Variants in RANBP2 observed in about 807,000 individuals in gnomAD.
RANBP2 encodes the protein RAN binding protein 2, also known as E3 SUMO-protein ligase RanBP2.
In RANBP2, 57 loss-of-function variants were observed where a neutral mutation model predicts 303.6. That is an observed-to-expected ratio of 0.19 (90% CI 0.15 to 0.23). RANBP2 has a LOEUF of 0.23. Among genes scored for constraint, RANBP2 ranks in the 10% least tolerant of loss-of-function variants. RANBP2 has a pLI of 1.00. For synonymous variants in RANBP2, 1,167 were observed against 1,301.5 expected, an observed-to-expected ratio of 0.90 and a Z score of 2.23; for missense variants, 3,138 against 3,780.8, an observed-to-expected ratio of 0.83 and a Z score of 4.46.
chr2:109,540,443 A>C, the RANBP2 span, among the ~76,000 whole-genome samples: 25 of 152,284 alleles, frequency 1.6e-4, no homozygotes, highest in African/African-American at 5.5e-4. Flanking sequence ...TATTTTGTAC[A>C]TAGGGATGTA....
At chr2:109,445,808 C>T in the RANBP2 span, among the ~76,000 whole-genome samples, 4 of 151,928 alleles carry the variant, frequency 2.6e-5, no homozygotes, top group Non-Finnish European at 5.9e-5. Flanking sequence ...AAGTGGGAAG[C>T]GATACCCCTG....
At chr2:109,266,007 A>T in the RANBP2 span, among the ~76,000 whole-genome samples, 1 of 151,978 alleles carries the variant, frequency 6.6e-6, no homozygotes, top group Non-Finnish European at 1.5e-5. Flanking sequence ...TGTCATGTGC[A>T]TGTGTGTGTA....
chr2:109,172,565 G>A, the RANBP2 span, among the ~76,000 whole-genome samples: 3 of 152,286 alleles, frequency 2.0e-5, no homozygotes, highest in Non-Finnish European at 4.4e-5. Flanking sequence ...ATTCCAAACA[G>A]TGTGGATTAT....
chr2:109,325,999 C>G, the RANBP2 span, among the ~76,000 whole-genome samples: 1 of 152,256 alleles, frequency 6.6e-6, no homozygotes, highest in South Asian at 2.1e-4. Context: ...AGAACAACAA[C>G]AAACATTAGT....
the RANBP2 span, among the ~76,000 whole-genome samples, chr2:109,426,745 G>A: frequency 1.3e-5 from 2 of 152,248 alleles, no homozygotes; most frequent in African/African-American, 4.8e-5. Flanking sequence ...CTGTCAAACA[G>A]CATCAAATGC....
At chr2:109,364,112 A>G in the RANBP2 span, among the ~76,000 whole-genome samples, 1 of 149,990 alleles carries the variant, frequency 6.7e-6, no homozygotes, top group South Asian at 2.1e-4. Context: ...ATTGCCCCAC[A>G]ATTCTTGCTT....
the RANBP2 span, among the ~76,000 whole-genome samples, chr2:109,730,335 G>T: frequency 2.6e-5 from 4 of 152,172 alleles, no homozygotes; most frequent in Non-Finnish European, 4.4e-5. Context: ...CTCTAAAGAT[G>T]TAAGAATAAA....
At chr2:108,797,065 T>C in the RANBP2 span, among the ~76,000 whole-genome samples, 279 of 152,194 alleles carry the variant, frequency 1.8e-3, 3 homozygotes, top group South Asian at 4.2e-3. Context: ...GGACTTGACT[T>C]TGGAGCCTGT....
chr2:108,893,677 C>T, the RANBP2 span, among the ~76,000 whole-genome samples: 2 of 151,950 alleles, frequency 1.3e-5, no homozygotes, highest in Non-Finnish European at 2.9e-5. Flanking sequence ...TAACAAGAGC[C>T]ATCACAAGAC....
the RANBP2 span, among the ~76,000 whole-genome samples, chr2:109,184,092 T>C: frequency 6.6e-6 from 1 of 152,214 alleles, no homozygotes; most frequent in South Asian, 2.1e-4. Context: ...GTTGAGCCCA[T>C]GTGGTGGTTC....
the RANBP2 span, among the ~76,000 whole-genome samples, chr2:109,480,542 G>A: frequency 2.7e-3 from 416 of 152,196 alleles, 2 homozygotes; most frequent in African/African-American, 9.7e-3. Flanking sequence ...AGTGTCTCAG[G>A]GGGCAGCCAA....
chr2:109,772,070 AAAAAG>A, the RANBP2 span, among the ~76,000 whole-genome samples: 1 of 20,854 alleles, frequency 4.8e-5, no homozygotes, highest in Non-Finnish European at 8.7e-5. Context: ...AGAAAGAAAA[AAAAAG>A]TAATGTTTTA....
At chr2:109,681,673 G>A in the RANBP2 span, among the ~76,000 whole-genome samples, 1 of 152,226 alleles carries the variant, frequency 6.6e-6, no homozygotes, top group Non-Finnish European at 1.5e-5. Context: ...GCCCTGGGTG[G>A]TCTCAGGAGA....
At chr2:108,847,213 A>T in the RANBP2 span, among the ~76,000 whole-genome samples, 1 of 152,198 alleles carries the variant, frequency 6.6e-6, no homozygotes, top group African/African-American at 2.4e-5. Context: ...ATCAAATTGA[A>T]ATTGCTAGTT....
the RANBP2 span, among the ~76,000 whole-genome samples, chr2:108,924,927 C>T: frequency 1.8e-4 from 27 of 152,356 alleles, no homozygotes; most frequent in African/African-American, 5.8e-4. Flanking sequence ...AGCTTTCTAA[C>T]GTCCCTGGCC....
the RANBP2 span, among the ~76,000 whole-genome samples, chr2:109,456,452 G>A: frequency 4.6e-5 from 7 of 152,234 alleles, no homozygotes; most frequent in Non-Finnish European, 1.0e-4. Flanking sequence ...CTGGAGCATC[G>A]CTTCACTGGT....
the RANBP2 span, among the ~76,000 whole-genome samples, chr2:109,542,025 A>C: frequency 1.1e-4 from 17 of 152,048 alleles, no homozygotes; most frequent in Non-Finnish European, 4.4e-5. Flanking sequence ...AAGGGCTTTA[A>C]AAGTCGGAGG....
chr2:109,432,517 G>T, the RANBP2 span: 2 of 1,613,300 alleles, frequency 1.2e-6, no homozygotes, highest in Non-Finnish European at 8.5e-7. Flanking sequence ...GGCGCTCTAC[G>T]CCTACAAGCC....
downstream of RANBP2, among the ~76,000 whole-genome samples, chr2:108,786,252 CTTTT>C (rs5833304): frequency 2.9e-5 from 4 of 136,090 alleles, no homozygotes; most frequent in Non-Finnish European, 3.1e-5. Flanking sequence ...TCAGCTTTCC[CTTTT>C]TTTTTTTTTT....
Sources: allele counts gnomAD v4.1 joint callset (sites outside exome capture counted in the v4.1 genomes callset), GRCh38; gene constraint gnomAD v4.1.1; transcripts MANE v1.5; gene names NCBI Gene and HGNC (gene_info 2026-07-23, HGNC 2026-07-21).